PRKD3: variants seen among roughly 807,000 people sequenced by gnomAD.
PRKD3 encodes the protein serine/threonine-protein kinase D3.
PRKD3 carries 47 observed loss-of-function variants against 99.2 expected under a neutral mutation model. The observed-to-expected ratio is 0.47, with a 90% CI of 0.38 to 0.60. PRKD3 has a LOEUF of 0.60. Among genes scored for constraint, PRKD3 ranks in the 20% least tolerant of loss-of-function variants. The pLI is 0.00. For missense variants in PRKD3, 1,019 were observed against 1,088.4 expected (o/e 0.94, Z 0.90); for synonymous variants, 392 against 355.4 (o/e 1.10, Z -1.16).
chr2:37,294,210 C>T (rs572125341), intron 2 of PRKD3, among the ~76,000 whole-genome samples: 1 of 152,178 alleles, frequency 6.6e-6, no homozygotes, highest in Non-Finnish European at 1.5e-5. Flanking sequence ...ATCCTCCCAC[C>T]TCAGCCTCCC....
intron 11 of PRKD3, among the ~76,000 whole-genome samples, chr2:37,272,897 C>A (rs1572644623): frequency 6.7e-6 from 1 of 149,910 alleles, no homozygotes; most frequent in East Asian, 2.0e-4. Flanking sequence ...ACAGGAGGAT[C>A]TGAGCCCTGG....
At chr2:37,314,044 T>G (rs893336444) in intron 2 of PRKD3, among the ~76,000 whole-genome samples, 6 of 152,096 alleles carry the variant, frequency 3.9e-5, no homozygotes, top group African/African-American at 1.4e-4. Flanking sequence ...AGAAAAGAAC[T>G]GATAAAACTG....
intron 2 of PRKD3, among the ~76,000 whole-genome samples, chr2:37,306,532 G>T (rs1315827496): frequency 6.6e-6 from 1 of 152,218 alleles, no homozygotes; most frequent in South Asian, 2.1e-4. Flanking sequence ...AAATGGGTCA[G>T]GTGTGGTGGC....
At chr2:37,313,699 TAGTCCCTCACTTAAGAC>T (rs1160886058) in intron 2 of PRKD3, among the ~76,000 whole-genome samples, 1 of 152,192 alleles carries the variant, frequency 6.6e-6, no homozygotes, top group Non-Finnish European at 1.5e-5. Flanking sequence ...CACCAAGTAT[TAGTCCCTCACTTAAGAC>T]AGTCCCTCAC....
chr2:37,297,575 C>T (rs1458973176), intron 2 of PRKD3, among the ~76,000 whole-genome samples: 2 of 152,092 alleles, frequency 1.3e-5, no homozygotes, highest in African/African-American at 2.4e-5. Flanking sequence ...CCATCCATAC[C>T]ACATCACCTT....
chr2:37,303,497 G>T (rs1324765273), intron 2 of PRKD3, among the ~76,000 whole-genome samples: 2 of 152,004 alleles, frequency 1.3e-5, no homozygotes, highest in Admixed American at 1.3e-4. Flanking sequence ...GGGGTTTCAG[G>T]CACCACAACC....
chr2:37,253,223 T>C lies in PRKD3; in HGVS notation c.2627A>G (p.His876Arg). 1.9e-6 allele frequency: 3 copies of C among 1,611,972 alleles called. No individual in the cohort carries two copies. The highest frequency in any genetic ancestry group is 1.7e-4 in the Middle Eastern group (1 of 6,050). ...ATCTGGATTAGGAGCCATAATGAAG[T>C]GCTTTGGGTATACAAGGTTATGTGT... ...AYTHNLVYPK[H>R]FIMAPNPDDM... Residue 876 changes from histidine to arginine, a missense_variant, in exon 19 of 19, where the codon CAC (histidine) becomes CGC (arginine). By Grantham distance (29) the His-to-Arg change is conservative (BLOSUM62 0). Around this residue, in one of 3 missense-constraint regions of PRKD3, gnomAD observed 125 missense variants for 120.6 expected, o/e 1.04. Transcript: ENST00000234179.
intron 14 of PRKD3, among the ~76,000 whole-genome samples, chr2:37,266,644 G>T (rs919975128): frequency 1.3e-5 from 2 of 152,078 alleles, no homozygotes; most frequent in African/African-American, 2.4e-5. Context: ...GCGCCACCGT[G>T]CCCGGCCTAG....
At chr2:37,313,708 A>C (rs1308662594) in intron 2 of PRKD3, among the ~76,000 whole-genome samples, 2 of 152,194 alleles carry the variant, frequency 1.3e-5, no homozygotes, top group Non-Finnish European at 2.9e-5. Context: ...TTAGTCCCTC[A>C]CTTAAGACAG....
intron 12 of PRKD3, among the ~76,000 whole-genome samples, chr2:37,271,193 C>T (rs1447098405): frequency 6.6e-6 from 1 of 152,168 alleles, no homozygotes; most frequent in African/African-American, 2.4e-5. Context: ...TTATATATAA[C>T]AATTTAACAA....
intron 12 of PRKD3, 114 bp downstream of exon 12, chr2:37,272,266 A>G (rs1342964987): frequency 2.7e-6 from 4 of 1,476,492 alleles, no homozygotes; most frequent in Non-Finnish European, 3.6e-6. Context: ...TACCAACCGC[A>G]AAGTCTAGCC....
At position 37,253,352 on chromosome 2, in the gene PRKD3, T is replaced by C. The variant is rs764634144; in HGVS notation, c.2500-2A>G. On this transcript the variant is annotated splice_acceptor_variant, in intron 18 of 18. Transcript: ENST00000234179. LOFTEE classifies it high-confidence loss of function. ...AAGGTCAAGCCAAGTCTGATAGTCC[T>C]AGGAGAAAATGAAATTGTAATGATG... 1 of 1,596,494 alleles carries C rather than the reference T, an allele frequency of 6.3e-7. No homozygotes were observed. The highest frequency in any genetic ancestry group is 1.7e-5 in the Admixed American group (1 of 57,726).
chr2:37,292,812 AT>A (rs996078228), intron 3 of PRKD3, among the ~76,000 whole-genome samples: 58 of 145,490 alleles, frequency 4.0e-4, no homozygotes, highest in Middle Eastern at 3.8e-3. Flanking sequence ...TGCCTGGCTA[AT>A]TTTTTTTTTT....
At chr2:37,284,045 T>C (rs1669978285) in intron 6 of PRKD3, among the ~76,000 whole-genome samples, 1 of 152,160 alleles carries the variant, frequency 6.6e-6, no homozygotes, top group African/African-American at 2.4e-5. Flanking sequence ...ATACTTTACA[T>C]ACGCTTTTAA....
At chr2:37,272,517 C>G in intron 11 of PRKD3, 85 bp from the exon 12 acceptor site, 3 of 1,474,126 alleles carry the variant, frequency 2.0e-6, no homozygotes, top group Non-Finnish European at 2.7e-6. Flanking sequence ...GTATATCAAA[C>G]TTTAAAAAGT....
In PRKD3 at chr2:37,253,251, A is replaced by G; in HGVS notation, c.2599T>C (p.Tyr867His). The change falls in exon 19 of 19, where the codon TAC (tyrosine) becomes CAC (histidine). Residue 867 changes from tyrosine (Y) to histidine (H), a missense_variant. By Grantham distance (83) the Tyr-to-His change is moderately conservative. Coordinates refer to ENST00000234179, the MANE Select transcript of PRKD3 (RefSeq NM_005813.6). Reference protein sequence around the residue: ...SDDARWEIHAYTHNLVYPKHF... With the variant: ...SDDARWEIHAHTHNLVYPKHF... ...TTTGGGTATACAAGGTTATGTGTGT[A>G]TGCATGTATTTCCCAGCGAGCATCA... 1 of 1,612,768 alleles carries G rather than the reference A, an allele frequency of 6.2e-7. No homozygotes were observed. The highest frequency in any genetic ancestry group is 8.5e-7 in the Non-Finnish European group (1 of 1,178,850).
chr2:37,309,788 C>T (rs182823877), intron 2 of PRKD3, among the ~76,000 whole-genome samples: 1 of 141,812 alleles, frequency 7.1e-6, no homozygotes, highest in East Asian at 2.2e-4. Context: ...TCGGAAGTTG[C>T]AGTGAGCCGA....
chr2:37,254,969 C>G lies in PRKD3; in HGVS notation c.2414-680G>C, dbSNP rs1377982346. 2.0e-5 allele frequency among the ~76,000 whole-genome samples: 3 copies of G among 152,312 alleles called. No homozygotes were observed. In the East Asian group the frequency reaches 5.8e-4, roughly 29 times the overall value. ...AACCAAGGCAACCAATAACTACATA[C>G]TAACTACAGCCCTATATAATGGTAC... On this transcript the variant is annotated intron_variant, in intron 17 of 18. Transcript: ENST00000234179.
At chr2:37,291,038 G>C (rs764600661) in intron 3 of PRKD3, 39 bp from the exon 4 acceptor site, 2 of 1,539,350 alleles carry the variant, frequency 1.3e-6, no homozygotes, top group East Asian at 2.3e-5. Flanking sequence ...CGTTGTATTT[G>C]TACTGCGATG....
Sources: allele counts gnomAD v4.1 joint callset (sites outside exome capture counted in the v4.1 genomes callset), GRCh38; gene constraint gnomAD v4.1.1; regional missense constraint gnomAD v4.1.1; transcripts MANE v1.5; gene names NCBI Gene and HGNC (gene_info 2026-07-23, HGNC 2026-07-21).